ARHGEF28: variants seen among roughly 807,000 people sequenced by gnomAD.
The protein encoded by ARHGEF28 is Rho guanine nucleotide exchange factor 28.
A neutral mutation model predicts 206.6 loss-of-function variants in ARHGEF28; 152 were observed. The observed-to-expected ratio is 0.74, with a 90% CI of 0.64 to 0.84. The LOEUF is 0.84. Ranked by LOEUF, ARHGEF28 falls within the 40% of genes least tolerant of loss-of-function variation. ARHGEF28 has a pLI of 0.00. For missense variants in ARHGEF28, 2,028 were observed against 2,073.2 expected (o/e 0.98, Z 0.42); for synonymous variants, 763 against 776.4 (o/e 0.98, Z 0.29).
rs1168738502 is a variant in ARHGEF28, at chr5:73,879,324, G to A, written c.2815-3148G>A. ...TATTGGTTATTCTAGTTATACATTC[G>A]TCTAAATTTTTTTCAAAGTTTTCAA... is the stretch of plus-strand genomic sequence containing the variant. On this transcript the variant is annotated intron_variant, in intron 22 of 35. Coordinates refer to ENST00000513042, the MANE Select transcript of ARHGEF28 (RefSeq NM_001177693.2). Among the ~76,000 whole-genome samples the A allele has an allele frequency of 6.6e-4, 101 of 151,980 alleles. 1 individual carries two copies. Among genetic ancestry groups the A allele is most frequent in the Admixed American group, 6.6e-3 (100 of 15,256 alleles).
At chr5:73,761,612 A>G (rs934239014) in intron 4 of ARHGEF28, among the ~76,000 whole-genome samples, 1 of 152,192 alleles carries the variant, frequency 6.6e-6, no homozygotes. Flanking sequence ...ATGAAGCTGT[A>G]TGGATAGAAA....
At chr5:73,863,878 G>A (rs1043903134) in intron 16 of ARHGEF28, among the ~76,000 whole-genome samples, 20 of 152,022 alleles carry the variant, frequency 1.3e-4, no homozygotes, top group African/African-American at 4.1e-4. Flanking sequence ...GGCCACTGGC[G>A]TGTTGACTGA....
At chr5:73,699,881 T>A (rs563607013) in intron 2 of ARHGEF28, among the ~76,000 whole-genome samples, 1 of 152,318 alleles carries the variant, frequency 6.6e-6, no homozygotes, top group Non-Finnish European at 1.5e-5. Context: ...TAAATTTACT[T>A]GACCAGTCAT....
intron 2 of ARHGEF28, among the ~76,000 whole-genome samples, chr5:73,743,570 A>T (rs1751555581): frequency 6.6e-6 from 1 of 152,214 alleles, no homozygotes; most frequent in South Asian, 2.1e-4. Context: ...GGATTTAACC[A>T]ATTTGTATTT....
rs538035097 is a variant in ARHGEF28 at position 73,710,475 on chromosome 5, C to T, written c.33+25591C>T. On this transcript the variant is annotated intron_variant, in intron 2 of 35. Transcript: ENST00000513042. ...TCAGATATGTGATTTAAAATATTTT[C>T]TCCTAGTCTCTGGCTTATATTTTCA... 4.6e-5 allele frequency among the ~76,000 whole-genome samples: 7 copies of T among 152,176 alleles called. No homozygotes were observed. In the South Asian group the frequency reaches 6.2e-4, roughly 14 times the overall value.
chr5:73,904,024 A>T (rs916315687), intron 31 of ARHGEF28, 198 bp from the exon 32 acceptor site: 1 of 578,002 alleles, frequency 1.7e-6, no homozygotes, highest in African/African-American at 1.9e-5. Flanking sequence ...ACTTTGCGTG[A>T]AGGACGCTCT....
chr5:73,807,761 C>G (rs1191419581), intron 9 of ARHGEF28, among the ~76,000 whole-genome samples: 1 of 152,084 alleles, frequency 6.6e-6, no homozygotes, highest in East Asian at 1.9e-4. Context: ...TCTGGGATTA[C>G]AGGCATGAGC....
intron 35 of ARHGEF28, among the ~76,000 whole-genome samples, chr5:73,918,618 AAG>A (rs1431947636): frequency 2.6e-5 from 4 of 152,156 alleles, no homozygotes; most frequent in Non-Finnish European, 5.9e-5. Flanking sequence ...TAAATTCAGG[AAG>A]AGATAGCTGA....
chr5:73,749,969 C>A lies in ARHGEF28; in HGVS notation c.166C>A (p.Gln56Lys), dbSNP rs1302217268. The A allele has an allele frequency of 1.2e-6, 2 of 1,613,948 alleles. No individual in the cohort carries two copies. Among genetic ancestry groups the A allele is most frequent in the Non-Finnish European group, 8.5e-7 (1 of 1,179,858 alleles). The change falls in exon 3 of 36, where the codon CAG (glutamine) becomes AAG (lysine). Residue 56 changes from glutamine to lysine, a missense_variant. Transcript: ENST00000513042. ...IAERIEDNVL[Q>K]SSVPGHGLQE... ...AGAGCGCATCGAGGATAACGTTCTC[C>A]AGTCCAGCGTCCCAGGTGAGGTGTC...
chr5:73,929,870 A>AT (rs1258553558), intron 35 of ARHGEF28, among the ~76,000 whole-genome samples: 2 of 152,082 alleles, frequency 1.3e-5, no homozygotes, highest in African/African-American at 4.8e-5. Flanking sequence ...AAATATCATA[A>AT]TTTTTTGTTT....
intron 35 of ARHGEF28, among the ~76,000 whole-genome samples, chr5:73,913,605 C>T (rs574532283): frequency 1.6e-4 from 25 of 152,174 alleles, no homozygotes; most frequent in South Asian, 1.2e-3. Context: ...TGCGGGGGGC[C>T]GGACAGGAAG....
intron 2 of ARHGEF28, among the ~76,000 whole-genome samples, chr5:73,686,874 AG>A (rs1747510424): frequency 6.6e-6 from 1 of 152,216 alleles, no homozygotes; most frequent in South Asian, 2.1e-4. Flanking sequence ...TAAAATGAAA[AG>A]TACAGGAAAG....
Position 73,749,966 on chromosome 5 carries a change from C to G in ARHGEF28, c.163C>G (p.Leu55Val). The part of the protein sequence containing the change: ...MIAERIEDNV[L>V]QSSVPGHGLQ... ...TGCAGAGCGCATCGAGGATAACGTTCTCCAGTCCAGCGTCCCAGGTGAGGT... is the reference window on the plus strand; with the variant it reads ...TGCAGAGCGCATCGAGGATAACGTTGTCCAGTCCAGCGTCCCAGGTGAGGT... The change falls in exon 3 of 36, where the codon CTC becomes GTC. Residue 55 changes from leucine (L) to valine (V), a missense_variant. By Grantham distance (32) the Leu-to-Val change is conservative. Transcript: ENST00000513042. The G allele has an allele frequency of 6.2e-7, 1 of 1,613,930 alleles. No homozygotes were observed. The highest frequency in any genetic ancestry group is 8.5e-7 in the Non-Finnish European group (1 of 1,179,866).
In ARHGEF28 at chr5:73,717,652, C is replaced by T. The variant is rs1423581010; in HGVS notation, c.34-32185C>T. On this transcript the variant is annotated intron_variant, in intron 2 of 35. Coordinates refer to ENST00000513042, the MANE Select transcript of ARHGEF28 (RefSeq NM_001177693.2). ...TTTATTCAGTAAAAAGTTAAAAGTG[C>T]CAACTGCATGTCAGGTATTGCACTA... 2.6e-5 allele frequency among the ~76,000 whole-genome samples: 4 copies of T among 152,010 alleles called. No individual in the cohort carries two copies. In the East Asian group the frequency reaches 7.7e-4, roughly 29 times the overall value.
chr5:73,626,920 T>C (rs1743047856), intron 1 of ARHGEF28, among the ~76,000 whole-genome samples: 1 of 152,214 alleles, frequency 6.6e-6, no homozygotes, highest in African/African-American at 2.4e-5. Flanking sequence ...TTGTTTCCCC[T>C]TAAATACCCG....
At chr5:73,716,452 G>A (rs1580520200) in intron 2 of ARHGEF28, among the ~76,000 whole-genome samples, 1 of 152,342 alleles carries the variant, frequency 6.6e-6, no homozygotes, top group Non-Finnish European at 1.5e-5. Flanking sequence ...TTCAGAGGAA[G>A]ATAATGCTTA....
intron 30 of ARHGEF28, chr5:73,900,442 G>A (rs1199287469): frequency 6.6e-6 from 1 of 152,164 alleles, no homozygotes; most frequent in Non-Finnish European, 1.5e-5. Context: ...ATAAAATCCT[G>A]CCAACAGAGA....
chr5:73,864,878 T>G lies in ARHGEF28; in HGVS notation c.2103+6T>G. On this transcript the variant is annotated splice_donor_region_variant and intron_variant, in intron 17 of 35. Transcript: ENST00000513042. ...CTGCGCCTGCATGCACCAAGGTAAT[T>G]GCTCAGTGATCTGTGAATATATATG... The G allele has an allele frequency of 6.2e-7, 1 of 1,612,786 alleles. No individual in the cohort carries two copies. The highest frequency in any genetic ancestry group is 8.5e-7 in the Non-Finnish European group (1 of 1,179,148).
chr5:73,703,675 T>G (rs866277763), intron 2 of ARHGEF28, among the ~76,000 whole-genome samples: 7 of 116,210 alleles, frequency 6.0e-5, no homozygotes, highest in Middle Eastern at 4.2e-3. Context: ...GTGTGTGTGT[T>G]ATGAGTTTTG....
Sources: gnomAD v4.1 joint callset for allele counts (sites outside exome capture counted in the v4.1 genomes callset) on GRCh38, gnomAD v4.1.1 for gene constraint, MANE v1.5 for transcripts, NCBI Gene and HGNC (gene_info 2026-07-23, HGNC 2026-07-21) for gene names.